The following EPS15 variants were observed in gnomAD, a reference collection of about 807,000 sequenced individuals.
The protein encoded by EPS15 is epidermal growth factor receptor substrate 15.
A neutral mutation model predicts 113.8 loss-of-function variants in EPS15; 72 were observed. The observed-to-expected ratio is 0.63, with a 90% CI of 0.52 to 0.77. The LOEUF is 0.77. Among genes scored for constraint, EPS15 ranks in the 30% least tolerant of loss-of-function variants. EPS15 has a pLI of 0.00. For missense variants in EPS15, 1,048 were observed against 1,045.8 expected (o/e 1.00, Z -0.03); for synonymous variants, 344 against 363.4 (o/e 0.95, Z 0.61).
rs1450070882 is a variant in EPS15, at chr1:51,429,004, G to A, written c.1041-7146C>T. ...ACTCCTGGCCTCAGGCAGTCCTCCC[G>A]CCTCAGCCTCTCAAGTAGCTAGGTC... On this transcript the variant is annotated intron_variant, in intron 12 of 24. Coordinates refer to ENST00000371733, the MANE Select transcript of EPS15 (RefSeq NM_001981.3). Among the ~76,000 whole-genome samples, 7 of 151,894 alleles carry A rather than the reference G, an allele frequency of 4.6e-5. No homozygotes were observed. In the East Asian group the frequency reaches 7.7e-4, roughly 17 times the overall value.
At chr1:51,504,887 G>A (rs147337438) in intron 1 of EPS15, among the ~76,000 whole-genome samples, 375 of 152,296 alleles carry the variant, frequency 2.5e-3, no homozygotes, top group Non-Finnish European at 3.9e-3. Context: ...TTGGGCGGCC[G>A]AAGCGGGTGG....
intron 21 of EPS15, among the ~76,000 whole-genome samples, chr1:51,393,957 C>T (rs1647649497): frequency 6.6e-6 from 1 of 152,124 alleles, no homozygotes. Context: ...AGACTGGATG[C>T]TAAAATAACA....
intron 21 of EPS15, 77 bp from the exon 22 acceptor site, chr1:51,366,106 C>T: frequency 2.1e-6 from 2 of 934,890 alleles, no homozygotes; most frequent in South Asian, 3.2e-5. Flanking sequence ...TCACTCTGTC[C>T]ACCCAGCCTC....
chr1:51,364,367 G>A (rs557057828), intron 22 of EPS15, among the ~76,000 whole-genome samples: 2 of 152,092 alleles, frequency 1.3e-5, no homozygotes, highest in East Asian at 1.9e-4. Flanking sequence ...TTCCGCAAAC[G>A]AATATCTGAT....
At chr1:51,370,800 T>C (rs1356805024) in intron 21 of EPS15, among the ~76,000 whole-genome samples, 2 of 152,194 alleles carry the variant, frequency 1.3e-5, no homozygotes, top group Middle Eastern at 3.4e-3. Context: ...TTTGCACTTT[T>C]AGTAGAGATA....
intron 3 of EPS15, among the ~76,000 whole-genome samples, chr1:51,472,240 A>G (rs926278469): frequency 6.6e-6 from 1 of 152,148 alleles, no homozygotes; most frequent in African/African-American, 2.4e-5. Context: ...TTCCAGTCAC[A>G]TGCCTTTTTC....
intron 14 of EPS15, 117 bp downstream of exon 14, chr1:51,409,418 G>A: frequency 1.1e-6 from 1 of 936,140 alleles, no homozygotes; most frequent in Non-Finnish European, 1.6e-6. Context: ...GAACCCAAAT[G>A]CTGACTGGAT....
At chr1:51,417,544 GAAGCTATACACATCACACC>G (rs1437162928) in intron 13 of EPS15, among the ~76,000 whole-genome samples, 1 of 152,160 alleles carries the variant, frequency 6.6e-6, no homozygotes, top group African/African-American at 2.4e-5. Flanking sequence ...GAAGATATTG[GAAGCTATACACATCACACC>G]AAGCTAACAC....
chr1:51,399,058 C>T lies in EPS15; in HGVS notation c.2026G>A (p.Ala676Thr). 6.2e-7 allele frequency: 1 copy of T among 1,613,952 alleles called. No homozygotes were observed. The highest frequency in any genetic ancestry group is 1.6e-4 in the Middle Eastern group (1 of 6,062). ...GATGTAATACTGCTATTGTTGGCTG[C>T]ACTGAAAGGGTCAGTGCTTGAAGTG... ...FATSSTDPFS[A>T]ANNSSITSVE... is the part of the protein sequence containing the mutation. The change falls in exon 20 of 25, where the codon GCA becomes ACA. Residue 676 changes from alanine to threonine, a missense_variant. Coordinates refer to ENST00000371733, the MANE Select transcript of EPS15 (RefSeq NM_001981.3).
At chr1:51,384,295 T>C (rs1557785360) in intron 21 of EPS15, among the ~76,000 whole-genome samples, 2 of 108,770 alleles carry the variant, frequency 1.8e-5, no homozygotes, top group African/African-American at 7.6e-5. Flanking sequence ...TTTTTCTTTC[T>C]TTCTTTTTTT....
chr1:51,423,241 T>C, intron 12 of EPS15: 2 of 1,289,050 alleles, frequency 1.6e-6, no homozygotes, highest in Middle Eastern at 2.1e-4. Flanking sequence ...TGGGTCGCGA[T>C]GTTGTGATTT....
At chr1:51,410,126 G>T (rs1438616283) in intron 13 of EPS15, among the ~76,000 whole-genome samples, 1 of 152,028 alleles carries the variant, frequency 6.6e-6, no homozygotes, top group African/African-American at 2.4e-5. Flanking sequence ...CTACTCGGGA[G>T]GCTAAAGCAG....
At chr1:51,456,957 G>A (rs1654040257) in intron 8 of EPS15, among the ~76,000 whole-genome samples, 1 of 152,096 alleles carries the variant, frequency 6.6e-6, no homozygotes, top group African/African-American at 2.4e-5. Flanking sequence ...TAGAATTTGA[G>A]TCACAAAAAA....
intron 12 of EPS15, among the ~76,000 whole-genome samples, chr1:51,430,586 C>A (rs1474996295): frequency 1.4e-5 from 2 of 147,482 alleles, no homozygotes; most frequent in Admixed American, 6.7e-5. Context: ...AAAAAAAAAT[C>A]AAGAATTCGT....
chr1:51,437,539 G>A (rs1652250902), intron 12 of EPS15, among the ~76,000 whole-genome samples: 1 of 149,970 alleles, frequency 6.7e-6, no homozygotes, highest in African/African-American at 2.5e-5. Context: ...TGTTGCCCAG[G>A]CTGGAGTGCA....
At chr1:51,517,208 C>G (rs1458629607) in intron 1 of EPS15, among the ~76,000 whole-genome samples, 2 of 152,116 alleles carry the variant, frequency 1.3e-5, no homozygotes, top group Non-Finnish European at 2.9e-5. Context: ...GTTTTAAAAT[C>G]AGAATATTCT....
intron 21 of EPS15, among the ~76,000 whole-genome samples, chr1:51,376,880 G>A (rs961447806): frequency 6.6e-6 from 1 of 152,258 alleles, no homozygotes; most frequent in South Asian, 2.1e-4. Context: ...TAAGGCTATA[G>A]CTGCCATAGA....
In EPS15 at chr1:51,355,846, T is replaced by C. The variant is rs1646206605; in HGVS notation, c.*854A>G. 1 of 199,350 alleles carries C rather than the reference T, an allele frequency of 5.0e-6. No homozygotes were observed. Among genetic ancestry groups the C allele is most frequent in the Non-Finnish European group, 1.0e-5 (1 of 96,602 alleles). The allele number at this position is 199,350 out of a possible 1,614,324, so 12.3% of individuals were successfully genotyped here. ...GGACAGGGCCACGGCAAAGGCAGAA[T>C]GGCTGCCATGTTAAGACTTTTGCTT... On this transcript the variant is annotated 3_prime_UTR_variant, in exon 25 of 25. Transcript: ENST00000371733.
At chr1:51,380,910 A>T (rs1368207101) in intron 21 of EPS15, among the ~76,000 whole-genome samples, 1 of 152,264 alleles carries the variant, frequency 6.6e-6, no homozygotes, top group Non-Finnish European at 1.5e-5. Flanking sequence ...GAAAAAATAG[A>T]CTTTAACTCT....
Sources: gnomAD v4.1 joint callset for allele counts (sites outside exome capture counted in the v4.1 genomes callset) on GRCh38, gnomAD v4.1.1 for gene constraint, MANE v1.5 for transcripts, NCBI Gene and HGNC (gene_info 2026-07-23, HGNC 2026-07-21) for gene names.